PLPP3: variants seen among roughly 807,000 people sequenced by gnomAD.
The protein encoded by PLPP3 is phospholipid phosphatase 3.
In PLPP3, 6 loss-of-function variants were observed where a neutral mutation model predicts 29.6. The ratio of observed to expected loss-of-function variants is 0.20; its 90% CI spans 0.11 to 0.40. The LOEUF is 0.40. Ranked by LOEUF, PLPP3 falls within the 10% of genes least tolerant of loss-of-function variation. PLPP3 has a pLI of 1.00. For synonymous variants in PLPP3, 152 were observed against 159.7 expected, an observed-to-expected ratio of 0.95 and a Z score of 0.36; for missense variants, 308 against 407.7, an observed-to-expected ratio of 0.76 and a Z score of 2.11.
At chr1:56,519,184 A>C (rs1645802533) in intron 4 of PLPP3, among the ~76,000 whole-genome samples, 1 of 152,124 alleles carries the variant, frequency 6.6e-6, no homozygotes, top group Non-Finnish European at 1.5e-5. Flanking sequence ...GCAGCCATCC[A>C]AGCTGTACTG....
Position 56,579,335 on chromosome 1 carries a change from C to G in PLPP3, c.-319G>C. 3.2e-6 allele frequency: 1 copy of G among 311,510 alleles called. No homozygotes were observed. The highest frequency in any genetic ancestry group is 3.6e-5 in the South Asian group (1 of 27,526). 19.3% of individuals were successfully genotyped at this position (311,510 alleles called of 1,614,324 possible). On this transcript the variant is annotated 5_prime_UTR_variant, in exon 1 of 6. Transcript: ENST00000371250. ...GCTTGGGGCGCGCTGTTGTGGCGCG[C>G]GTCTGAGTGCGCGAGCGAGCGAGTG...
At chr1:56,511,557 C>T (rs188517319) in intron 5 of PLPP3, among the ~76,000 whole-genome samples, 1 of 152,042 alleles carries the variant, frequency 6.6e-6, no homozygotes, top group African/African-American at 2.4e-5. Flanking sequence ...TGTGAGCACT[C>T]GAGTCAGGAG....
chr1:56,545,665 T>C (rs1646001127), intron 1 of PLPP3, among the ~76,000 whole-genome samples: 1 of 152,130 alleles, frequency 6.6e-6, no homozygotes, highest in Admixed American at 6.5e-5. Flanking sequence ...GGCAAGTCTA[T>C]AATAAGGTTG....
intron 1 of PLPP3, among the ~76,000 whole-genome samples, chr1:56,555,444 A>C (rs1326673871): frequency 1.8e-4 from 27 of 147,816 alleles, no homozygotes; most frequent in Admixed American, 1.2e-3. Context: ...AAAAAAAAAA[A>C]AAAAAAAAAA....
chr1:56,506,897 T>A (rs1569864841), intron 5 of PLPP3, among the ~76,000 whole-genome samples: 1 of 152,234 alleles, frequency 6.6e-6, no homozygotes, highest in East Asian at 1.9e-4. Flanking sequence ...GGCTGTGGCC[T>A]TCTCCTTTGT....
At chr1:56,572,329 C>T (rs980888469) in intron 1 of PLPP3, among the ~76,000 whole-genome samples, 2 of 152,106 alleles carry the variant, frequency 1.3e-5, no homozygotes, top group East Asian at 1.9e-4. Flanking sequence ...GGATTACAGG[C>T]GTGAGCCACC....
At chr1:56,508,712 G>A (rs1317657319) in intron 5 of PLPP3, among the ~76,000 whole-genome samples, 1 of 152,154 alleles carries the variant, frequency 6.6e-6, no homozygotes, top group Non-Finnish European at 1.5e-5. Context: ...GCACGTGACA[G>A]CTACATTGCA....
intron 1 of PLPP3, among the ~76,000 whole-genome samples, chr1:56,578,141 G>A (rs1203362256): frequency 6.6e-6 from 1 of 152,106 alleles, no homozygotes; most frequent in African/African-American, 2.4e-5. Context: ...TAAATTTGTG[G>A]TCCCCAAACA....
intron 1 of PLPP3, among the ~76,000 whole-genome samples, chr1:56,557,040 G>GAGAGAGAAAGAAAGAAAGAAAGAA (rs1646087021): frequency 1.9e-4 from 2 of 10,294 alleles, no homozygotes; most frequent in African/African-American, 3.6e-4. Flanking sequence ...GAGAGAGAGA[G>GAGAGAGAAAGAAAGAAAGAAAGAA]AGAGAGAGAG....
At chr1:56,568,482 T>C (rs1474941660) in intron 1 of PLPP3, among the ~76,000 whole-genome samples, 1 of 152,200 alleles carries the variant, frequency 6.6e-6, no homozygotes. Context: ...GTCTTCATAA[T>C]AAGGCTATGC....
intron 1 of PLPP3, among the ~76,000 whole-genome samples, chr1:56,548,612 T>C (rs1020489560): frequency 5.9e-5 from 9 of 152,166 alleles, no homozygotes; most frequent in African/African-American, 9.7e-5. Flanking sequence ...GACTCCTCAC[T>C]GGGAGAATTA....
rs776568037 is a variant in PLPP3, at chr1:56,511,964, G to A, written c.810+12C>T. The A allele has an allele frequency of 3.7e-6, 6 of 1,612,834 alleles. No homozygotes were observed. The highest frequency in any genetic ancestry group is 5.1e-6 in the Non-Finnish European group (6 of 1,179,354). On this transcript the variant is annotated intron_variant, in intron 5 of 5. Transcript: ENST00000371250. Reference sequence around the variant, plus strand: ...GGCTCCACTTGCATATTGAGGACAAGATGCTACTTACTATGCAGCAGGCCA... The same window carrying A: ...GGCTCCACTTGCATATTGAGGACAAAATGCTACTTACTATGCAGCAGGCCA...
At chr1:56,565,569 C>T (rs189088027) in intron 1 of PLPP3, among the ~76,000 whole-genome samples, 2 of 152,116 alleles carry the variant, frequency 1.3e-5, no homozygotes, top group Admixed American at 6.5e-5. Context: ...TACAGGCACC[C>T]GCAACCGCAC....
chr1:56,505,477 C>A (rs763174991), intron 5 of PLPP3, among the ~76,000 whole-genome samples: 7 of 152,182 alleles, frequency 4.6e-5, no homozygotes, highest in Non-Finnish European at 5.9e-5. Context: ...CTGCATGGGT[C>A]CACTTAAACA....
At chr1:56,569,016 C>T (rs1437568678) in intron 1 of PLPP3, among the ~76,000 whole-genome samples, 1 of 152,086 alleles carries the variant, frequency 6.6e-6, no homozygotes, top group African/African-American at 2.4e-5. Context: ...TTTAGCTCCT[C>T]TGCCTCCCAT....
intron 1 of PLPP3, among the ~76,000 whole-genome samples, chr1:56,567,467 G>A (rs928044681): frequency 5.1e-5 from 7 of 136,648 alleles, no homozygotes; most frequent in African/African-American, 1.9e-4. Flanking sequence ...GCGCGATCTC[G>A]GCTCACTGCA....
In PLPP3 at chr1:56,512,158, G is replaced by A. The variant is rs1349493992; in HGVS notation, c.634-6C>T. 8.2e-6 allele frequency: 13 copies of A among 1,577,592 alleles called. No individual in the cohort carries two copies. In the Admixed American group the frequency reaches 9.8e-5, roughly 12 times the overall value. ...AAGCGGGCCTGCAGGTATAGCTGGAGAAAGGAGACAAAAAGGAACAGACAT... is the reference window on the plus strand; with the variant it reads ...AAGCGGGCCTGCAGGTATAGCTGGAAAAAGGAGACAAAAAGGAACAGACAT... On this transcript the variant is annotated splice_region_variant and splice_polypyrimidine_tract_variant and intron_variant, in intron 4 of 5. Transcript: ENST00000371250.
At chr1:56,528,107 G>C (rs143589420) in intron 2 of PLPP3, among the ~76,000 whole-genome samples, 2 of 152,292 alleles carry the variant, frequency 1.3e-5, no homozygotes, top group African/African-American at 4.8e-5. Context: ...TTCTGAAACA[G>C]CAAGCAACAG....
chr1:56,575,815 C>A (rs777139292), intron 1 of PLPP3, among the ~76,000 whole-genome samples: 9 of 152,112 alleles, frequency 5.9e-5, no homozygotes, highest in Non-Finnish European at 1.3e-4. Context: ...ACTAACAGAG[C>A]TTAGAAAGAC....
Sources: gnomAD v4.1 joint callset for allele counts (sites outside exome capture counted in the v4.1 genomes callset) on GRCh38, gnomAD v4.1.1 for gene constraint, MANE v1.5 for transcripts, NCBI Gene and HGNC (gene_info 2026-07-23, HGNC 2026-07-21) for gene names.